The following DOCK3 variants were observed in gnomAD, a reference collection of about 807,000 sequenced individuals.
The protein encoded by DOCK3 is dedicator of cytokinesis protein 3.
In DOCK3, 60 loss-of-function variants were observed where a neutral mutation model predicts 265.6. The observed-to-expected ratio is 0.23, with a 90% confidence interval of 0.18 to 0.28. DOCK3 has a LOEUF of 0.28. DOCK3 is among the 10% of genes least tolerant of loss of function. The pLI is 1.00. For missense variants in DOCK3, 1,981 were observed against 2,594.3 expected (o/e 0.76, Z 5.14); for synonymous variants, 881 against 938.0 (o/e 0.94, Z 1.11).
chr3:51,262,871 A>C (rs1172053343), intron 23 of DOCK3, among the ~76,000 whole-genome samples: 1 of 152,230 alleles, frequency 6.6e-6, no homozygotes, highest in East Asian at 1.9e-4. Flanking sequence ...GATTAGAGAA[A>C]AAAGAATGAA....
At chr3:50,728,881 T>C (rs957190715) in intron 1 of DOCK3, among the ~76,000 whole-genome samples, 3 of 117,534 alleles carry the variant, frequency 2.6e-5, no homozygotes, top group African/African-American at 6.6e-5. Context: ...TGCCACCGCA[T>C]TGGGCTAATT....
chr3:50,924,958 C>G (rs569536436), intron 4 of DOCK3, among the ~76,000 whole-genome samples: 68 of 152,304 alleles, frequency 4.5e-4, no homozygotes, highest in Non-Finnish European at 8.8e-4. Flanking sequence ...GGCAAGGATA[C>G]CCTCATCAGC....
chr3:50,898,609 G>C (rs1197829662), intron 4 of DOCK3: 1 of 152,070 alleles, frequency 6.6e-6, no homozygotes. Context: ...TTCTCTATTG[G>C]GCATTTAGTG....
chr3:51,174,001 A>T (rs1170010338), intron 12 of DOCK3, among the ~76,000 whole-genome samples: 4 of 152,066 alleles, frequency 2.6e-5, no homozygotes, highest in Non-Finnish European at 5.9e-5. Flanking sequence ...TTGTGTCTCT[A>T]ACTGGCTAAT....
chr3:51,036,231 A>C (rs1221438865), intron 5 of DOCK3, among the ~76,000 whole-genome samples: 1 of 152,120 alleles, frequency 6.6e-6, no homozygotes, highest in African/African-American at 2.4e-5. Flanking sequence ...TAGGAGGATC[A>C]ATTTGCTAGA....
At chr3:51,012,594 C>T (rs1419349724) in intron 5 of DOCK3, among the ~76,000 whole-genome samples, 2 of 152,164 alleles carry the variant, frequency 1.3e-5, no homozygotes, top group African/African-American at 4.8e-5. Context: ...CTTGCGCTTC[C>T]TGGGTGAGGC....
At chr3:51,046,584 A>G (rs2080786886) in intron 5 of DOCK3, among the ~76,000 whole-genome samples, 2 of 152,216 alleles carry the variant, frequency 1.3e-5, no homozygotes, top group African/African-American at 2.4e-5. Context: ...ACCTAAATAT[A>G]TAAAGCAAAC....
At chr3:51,241,677 C>CA (rs1417788807) in intron 21 of DOCK3, among the ~76,000 whole-genome samples, 1 of 152,230 alleles carries the variant, frequency 6.6e-6, no homozygotes, top group Non-Finnish European at 1.5e-5. Flanking sequence ...GGCCAGTCTT[C>CA]AAGCTCTGAG....
intron 19 of DOCK3, among the ~76,000 whole-genome samples, 152 bp downstream of exon 19, chr3:51,229,761 T>C (rs2090469000): frequency 1.3e-5 from 2 of 152,170 alleles, no homozygotes; most frequent in African/African-American, 4.8e-5. Context: ...TTTCCTCTTT[T>C]GGTATGCTTT....
chr3:51,097,918 C>T (rs1413067566), intron 9 of DOCK3, among the ~76,000 whole-genome samples: 1 of 152,246 alleles, frequency 6.6e-6, no homozygotes, highest in Non-Finnish European at 1.5e-5. Context: ...AACCCTGCTT[C>T]AGCTCACCCT....
chr3:51,282,265 A>C lies in DOCK3; in HGVS notation c.2922+2061A>C, dbSNP rs866787082. The stretch of plus-strand genomic sequence containing the variant: ...AAGCTATAATTATGCCATAAAATTC[A>C]TACTTTTAAAGTGTACAATTTAATG... On this transcript the variant is annotated intron_variant, in intron 27 of 52. Transcript: ENST00000266037. 4.7e-4 allele frequency among the ~76,000 whole-genome samples: 71 copies of C among 152,348 alleles called. 1 individual carries two copies. The highest frequency in any genetic ancestry group is 3.4e-3 in the Middle Eastern group (1 of 294).
chr3:51,197,590 A>G (rs975616885), intron 12 of DOCK3, among the ~76,000 whole-genome samples: 1 of 152,190 alleles, frequency 6.6e-6, no homozygotes, highest in African/African-American at 2.4e-5. Context: ...GGTATTTGCC[A>G]GGACCCTGGT....
intron 3 of DOCK3, among the ~76,000 whole-genome samples, chr3:50,885,800 C>T (rs1468070708): frequency 6.6e-6 from 1 of 152,014 alleles, no homozygotes; most frequent in Non-Finnish European, 1.5e-5. Context: ...TTGAGTGCTT[C>T]GTTACTGCCT....
chr3:51,176,584 C>T (rs2086968545), intron 12 of DOCK3, among the ~76,000 whole-genome samples: 1 of 152,176 alleles, frequency 6.6e-6, no homozygotes, highest in South Asian at 2.1e-4. Flanking sequence ...TGAGATCGCT[C>T]CACTGCACTC....
chr3:50,955,333 G>C (rs907038356), intron 5 of DOCK3, among the ~76,000 whole-genome samples: 1 of 152,116 alleles, frequency 6.6e-6, no homozygotes, highest in Non-Finnish European at 1.5e-5. Flanking sequence ...CTCATTGCTG[G>C]TTATGTACTC....
At chr3:50,686,205 G>T (rs1397874962) in intron 1 of DOCK3, among the ~76,000 whole-genome samples, 1 of 151,984 alleles carries the variant, frequency 6.6e-6, no homozygotes, top group African/African-American at 2.4e-5. Context: ...AGTGACACCA[G>T]AAGTGTGTTG....
intron 38 of DOCK3, among the ~76,000 whole-genome samples, chr3:51,341,843 T>TCC (rs2085263923): frequency 1.3e-5 from 2 of 152,310 alleles, no homozygotes; most frequent in Admixed American, 6.5e-5. Context: ...ATTTCCCTTC[T>TCC]CTACAGCACA....
intron 5 of DOCK3, among the ~76,000 whole-genome samples, chr3:51,026,366 G>A (rs1265514114): frequency 6.6e-6 from 1 of 151,412 alleles, no homozygotes; most frequent in Non-Finnish European, 1.5e-5. Flanking sequence ...ATCTGCAGCT[G>A]AATTTGGTTT....
intron 5 of DOCK3, among the ~76,000 whole-genome samples, chr3:51,059,590 A>C (rs1366141204): frequency 6.6e-6 from 1 of 152,086 alleles, no homozygotes; most frequent in Non-Finnish European, 1.5e-5. Flanking sequence ...ACCACTCCGT[A>C]AGAGACTGTT....
Sources: gnomAD v4.1 joint callset for allele counts (sites outside exome capture counted in the v4.1 genomes callset) on GRCh38, gnomAD v4.1.1 for gene constraint, MANE v1.5 for transcripts, NCBI Gene and HGNC (gene_info 2026-07-23, HGNC 2026-07-21) for gene names.